RGPD3: variants seen among roughly 807,000 people sequenced by gnomAD.
RGPD3 encodes the protein RANBP2 like and GRIP domain containing 3.
RGPD3 carries 62 observed loss-of-function variants against 154.5 expected under a neutral mutation model. The ratio of observed to expected loss-of-function variants is 0.40; its 90% confidence interval spans 0.33 to 0.50. The LOEUF (loss-of-function observed/expected upper bound fraction) is 0.50. RGPD3 is among the 20% of genes least tolerant of loss of function. The pLI is 0.59. For missense variants in RGPD3, 919 were observed against 1,716.8 expected (o/e 0.54, Z 8.21); for synonymous variants, 308 against 607.0 (o/e 0.51, Z 7.24).
chr2:106,463,273 C>T (rs1446963451), intron 1 of RGPD3, among the ~76,000 whole-genome samples: 13 of 151,638 alleles, frequency 8.6e-5, no homozygotes, highest in African/African-American at 2.9e-4. Flanking sequence ...CATTAGTTTC[C>T]AGACCAGCCT....
Position 106,424,515 on chromosome 2 carries a change from A to T in RGPD3, c.3452T>A (p.Phe1151Tyr). 2 of 1,606,354 alleles carry T rather than the reference A, an allele frequency of 1.2e-6. No individual in the cohort carries two copies. The highest frequency in any genetic ancestry group is 8.5e-7 in the Non-Finnish European group (1 of 1,179,098). Residue 1151 changes from phenylalanine (F) to tyrosine (Y), a missense_variant, in exon 20 of 23, where the codon TTT (phenylalanine) becomes TAT (tyrosine). By Grantham distance (22) the Phe-to-Tyr change is conservative. Transcript: ENST00000409886. Reference protein sequence around the residue: ...DAKLERLAAKFKTPELAEEFK... With the variant: ...DAKLERLAAKYKTPELAEEFK... ...TTCTTCAGCCAGCTCTGGTGTTTTA[A>T]ATTTTGCTGCCAATCGCTCTAGTTT...
At chr2:106,405,280 C>T (rs898494436) in intron 22 of RGPD3, 51 bp from the exon 23 acceptor site, 70 of 1,561,400 alleles carry the variant, frequency 4.5e-5, no homozygotes, top group Non-Finnish European at 5.7e-5. Flanking sequence ...TAAAATTTCT[C>T]AATGTAAAAT....
chr2:106,464,507 G>C lies in RGPD3; in HGVS notation c.72+3710C>G, dbSNP rs1428824627. Among the ~76,000 whole-genome samples, 164 of 151,368 alleles carry C rather than the reference G, an allele frequency of 1.1e-3. 1 individual carries two copies. Among genetic ancestry groups the C allele is most frequent in the East Asian group, 3.1e-3 (16 of 5,120 alleles). ...CCTGCCTGTAGTCCTAAGTACTCAG[G>C]AAACAGAGGTAGGAGGATCATTTAT... On this transcript the variant is annotated intron_variant, in intron 1 of 22. Coordinates refer to ENST00000409886, the MANE Select transcript of RGPD3 (RefSeq NM_001144013.2).
In RGPD3 at chr2:106,404,014, A is replaced by C. The variant is rs544470004; in HGVS notation, c.*1205T>G. On this transcript the variant is annotated 3_prime_UTR_variant, in exon 23 of 23. Coordinates refer to ENST00000409886, the MANE Select transcript of RGPD3 (RefSeq NM_001144013.2). The stretch of plus-strand genomic sequence containing the variant: ...CAACACAGTTTGGATCTAGTCATTA[A>C]AACATATGCAGCGGTGTCAAAGGCA... 6.6e-6 allele frequency among the ~76,000 whole-genome samples: 1 copy of C among 152,330 alleles called. No individual in the cohort carries two copies. The highest frequency in any genetic ancestry group is 2.4e-5 in the African/African-American group (1 of 41,546).
Position 106,456,986 on chromosome 2 carries a change from T to G in RGPD3, c.390A>C (p.Ala130=). 1 of 1,611,110 alleles carries G rather than the reference T, an allele frequency of 6.2e-7. No individual in the cohort carries two copies. The highest frequency in any genetic ancestry group is 8.5e-7 in the Non-Finnish European group (1 of 1,179,450). The part of the protein sequence containing the change: ...RAAKLFPGSP[A]IYKLKEQLLD... ...GTTTGTTTACCTTTAGTTTATAAAT[T>G]GCAGGACTTCCTGGGAAAAGTTTTG... The change falls in exon 4 of 23, where the codon GCA becomes GCC. Residue 130 remains alanine, a synonymous_variant. Transcript: ENST00000409886.
In RGPD3 at chr2:106,468,246, C is replaced by G. The variant is rs373523921; in HGVS notation, c.43G>C (p.Val15Leu). Reference protein sequence around the residue: ...KAYGERYVASVQGSAPSPRKK... With the variant: ...KAYGERYVASLQGSAPSPRKK... ...CGAGGCGACGGGGCGGAGCCCTGCA[C>G]CGAGGCGACGTACCGCTCCCCGTAG... The change falls in exon 1 of 23, where the codon GTG becomes CTG. Residue 15 changes from valine (V) to leucine (L), a missense_variant. Val to Leu is a conservative substitution (Grantham distance 32). Coordinates refer to ENST00000409886, the MANE Select transcript of RGPD3 (RefSeq NM_001144013.2). 102 of 1,607,924 alleles carry G rather than the reference C, an allele frequency of 6.3e-5. No homozygotes were observed. The African/African-American group carries it at 1.2e-3, about 19-fold the overall frequency.
Position 106,424,641 on chromosome 2 carries a change from C to G in RGPD3, c.3326G>C (p.Cys1109Ser), listed in dbSNP as rs1677125908. The G allele has an allele frequency of 6.2e-7, 1 of 1,611,882 alleles. No homozygotes were observed. Among genetic ancestry groups the G allele is most frequent in the Non-Finnish European group, 8.5e-7 (1 of 1,179,868 alleles). Residue 1109 changes from cysteine (C) to serine (S), a missense_variant, in exon 20 of 23, where the codon TGT (cysteine) becomes TCT (serine). Physicochemically the swap from Cys to Ser is moderately radical, Grantham distance 112 (BLOSUM62 -1). Transcript: ENST00000409886. ...LMQREQVLKV[C>S]ANHWITTTMN... is the part of the protein sequence containing the mutation. ...TGTAGTCGTTATCCAATGATTAGCACACACTTTTAGTACTTGTTCTCTTTG... is the reference window on the plus strand; with the variant it reads ...TGTAGTCGTTATCCAATGATTAGCAGACACTTTTAGTACTTGTTCTCTTTG...
chr2:106,464,170 C>T (rs1438102485), intron 1 of RGPD3, among the ~76,000 whole-genome samples: 1 of 151,666 alleles, frequency 6.6e-6, no homozygotes, highest in African/African-American at 2.4e-5. Flanking sequence ...ACGGTGAAAC[C>T]CCGTCTCTAC....
chr2:106,457,187 A>C (rs1678255867), intron 3 of RGPD3, 64 bp from the exon 4 acceptor site: 1 of 1,533,054 alleles, frequency 6.5e-7, no homozygotes, highest in South Asian at 1.2e-5. Flanking sequence ...AGGAGTATAT[A>C]TACTTATATA....
At chr2:106,447,740 A>G (rs1264225471) in intron 6 of RGPD3, 127 bp from the exon 7 acceptor site, 1 of 120,222 alleles carries the variant, frequency 8.3e-6, no homozygotes, top group Non-Finnish European at 1.7e-5. Context: ...ACTTCTAATA[A>G]TTCTTATTCC....
At chr2:106,455,067 A>G (rs1450284149) in intron 4 of RGPD3, among the ~76,000 whole-genome samples, 8 of 152,196 alleles carry the variant, frequency 5.3e-5, no homozygotes, top group African/African-American at 1.7e-4. Context: ...TTGGGAGGCC[A>G]AAGTGGGTGG....
At chr2:106,410,332 C>T (rs942484424) in intron 22 of RGPD3, among the ~76,000 whole-genome samples, 1 of 152,070 alleles carries the variant, frequency 6.6e-6, no homozygotes, top group African/African-American at 2.4e-5. Context: ...AATGTGTTTT[C>T]CTGTCTGTTT....
rs867087177 is a variant in RGPD3 at position 106,466,800 on chromosome 2, G to A, written c.72+1417C>T. Among the ~76,000 whole-genome samples, 264 of 35,064 alleles carry A rather than the reference G, an allele frequency of 7.5e-3. 1 individual carries two copies. The highest frequency in any genetic ancestry group is 0.047 in the East Asian group (7 of 148). 23.0% of individuals were successfully genotyped at this position (35,064 alleles called of 152,430 possible). ...GAGCCATCGAGGCCGCCGCAGGGCC[G>A]GGTCGAGGCCGCCGCCTCAACAGAG... On this transcript the variant is annotated intron_variant, in intron 1 of 22. Coordinates refer to ENST00000409886, the MANE Select transcript of RGPD3 (RefSeq NM_001144013.2).
At chr2:106,445,138 A>C (rs1420333380) in intron 7 of RGPD3, among the ~76,000 whole-genome samples, 1 of 115,746 alleles carries the variant, frequency 8.6e-6, no homozygotes, top group East Asian at 2.8e-4. Context: ...AATACAAAAA[A>C]ATTAGCCAGG....
rs1676444077 is a variant in RGPD3 at position 106,404,292 on chromosome 2, T to C, written c.*927A>G. On this transcript the variant is annotated 3_prime_UTR_variant, in exon 23 of 23. Transcript: ENST00000409886. ...ATGCAGTGACACCCTATCAAGAGCC[T>C]GGAAAGACACCATGAAATCACCTCA... 6.7e-6 allele frequency among the ~76,000 whole-genome samples: 1 copy of C among 149,836 alleles called. No individual in the cohort carries two copies. Among genetic ancestry groups the C allele is most frequent in the Non-Finnish European group, 1.5e-5 (1 of 67,590 alleles).
intron 21 of RGPD3, among the ~76,000 whole-genome samples, 176 bp downstream of exon 21, chr2:106,415,674 C>CAAAAAAAAAAAAA (rs879163469): frequency 6.7e-5 from 3 of 44,748 alleles, no homozygotes; most frequent in African/African-American, 3.1e-4. Flanking sequence ...AAGACTGTCT[C>CAAAAAAAAAAAAA]AAAAAAAAAA....
At chr2:106,461,457 G>A (rs1275741812) in intron 1 of RGPD3, among the ~76,000 whole-genome samples, 1 of 152,218 alleles carries the variant, frequency 6.6e-6, no homozygotes, top group Non-Finnish European at 1.5e-5. Context: ...GATGACTTGT[G>A]TCCTAGGTAG....
Position 106,441,172 on chromosome 2 carries a change from C to G in RGPD3, c.1066+121G>C, listed in dbSNP as rs1008696226. ...CCATACCTATTGCTCTTAACTGATA[C>G]GGCGAAAAGAAATAATTTTGACAAA... On this transcript the variant is annotated intron_variant, in intron 8 of 22. Transcript: ENST00000409886. The G allele has an allele frequency of 6.1e-5, 87 of 1,431,892 alleles. No individual in the cohort carries two copies. The East Asian group carries it at 2.0e-3, about 34-fold the overall frequency. The allele number at this position is 1,431,892 out of a possible 1,614,324, so 88.7% of individuals were successfully genotyped here. A position where few individuals can be genotyped will look rare whatever the true frequency, so the allele number is the denominator to read the frequency against.
At chr2:106,411,781 G>A (rs1343164951) in intron 22 of RGPD3, among the ~76,000 whole-genome samples, 1 of 152,128 alleles carries the variant, frequency 6.6e-6, no homozygotes, top group Non-Finnish European at 1.5e-5. Flanking sequence ...TCGGACCACT[G>A]CACTCCAGCC....
Sources: allele counts gnomAD v4.1 joint callset (sites outside exome capture counted in the v4.1 genomes callset), GRCh38; gene constraint gnomAD v4.1.1; transcripts MANE v1.5; gene names NCBI Gene and HGNC (gene_info 2026-07-23, HGNC 2026-07-21).